Variants in MYO18B observed in about 807,000 individuals in gnomAD.
MYO18B encodes the protein myosin XVIIIB.
MYO18B carries 204 observed loss-of-function variants against 273.0 expected under a neutral mutation model. The ratio of observed to expected loss-of-function variants is 0.75; its 90% CI spans 0.67 to 0.84. The LOEUF is 0.84. MYO18B is among the 40% of genes least tolerant of loss of function. The pLI, the probability that MYO18B is intolerant of heterozygous loss-of-function variation, is 0.00. For missense variants in MYO18B, 3,212 were observed against 3,287.6 expected (o/e 0.98, Z 0.56); for synonymous variants, 1,330 against 1,305.7 (o/e 1.02, Z -0.40).
intron 42 of MYO18B, among the ~76,000 whole-genome samples, chr22:26,012,194 G>T (rs1934969583): frequency 6.6e-6 from 1 of 152,176 alleles, no homozygotes; most frequent in African/African-American, 2.4e-5. Context: ...TCATGTGAGG[G>T]CTGCTTAAAT....
At chr22:25,776,956 T>C (rs923613735) in intron 7 of MYO18B, among the ~76,000 whole-genome samples, 14 of 152,228 alleles carry the variant, frequency 9.2e-5, no homozygotes, top group African/African-American at 3.4e-4. Flanking sequence ...AAATGTTTTT[T>C]TCAGCCATTG....
chr22:25,963,606 T>C (rs1013424995), intron 39 of MYO18B, among the ~76,000 whole-genome samples: 7 of 150,026 alleles, frequency 4.7e-5, no homozygotes, highest in African/African-American at 1.7e-4. Context: ...TAAGGTCCCA[T>C]TCTGAGTTTT....
At chr22:25,995,036 C>T (rs6004883) in intron 40 of MYO18B, among the ~76,000 whole-genome samples, 4,643 of 152,198 alleles carry the variant, frequency 0.031, 100 homozygotes, top group African/African-American at 0.043. Flanking sequence ...AAGCAAGGGA[C>T]AGTGTCCATC....
chr22:25,996,627 G>A (rs554734350), intron 40 of MYO18B, among the ~76,000 whole-genome samples: 1 of 152,008 alleles, frequency 6.6e-6, no homozygotes, highest in South Asian at 2.1e-4. Context: ...AATAAAACAC[G>A]AGAATACAAT....
Position 25,949,171 on chromosome 22 carries a change from A to G in MYO18B, c.5749-1196A>G, listed in dbSNP as rs184255307. Among the ~76,000 whole-genome samples, 540 of 152,314 alleles carry G rather than the reference A, an allele frequency of 3.5e-3. 2 individuals carry two copies. Among genetic ancestry groups the G allele is most frequent in the Non-Finnish European group, 5.7e-3 (390 of 68,032 alleles). On this transcript the variant is annotated intron_variant, in intron 36 of 43. Coordinates refer to ENST00000335473, the MANE Select transcript of MYO18B (RefSeq NM_032608.7). ...GAGCAGTTGGAGAGGAGCAGCCAGC[A>G]TGCCACCCCAGACTGTCATCTCCAT...
At chr22:25,951,661 G>A (rs2092794217) in intron 37 of MYO18B, among the ~76,000 whole-genome samples, 1 of 152,200 alleles carries the variant, frequency 6.6e-6, no homozygotes, top group South Asian at 2.1e-4. Flanking sequence ...AATTTTCAAA[G>A]CTCTTCTAGA....
intron 39 of MYO18B, among the ~76,000 whole-genome samples, chr22:25,988,903 G>T (rs914451793): frequency 7.9e-5 from 12 of 152,162 alleles, no homozygotes; most frequent in African/African-American, 2.9e-4. Context: ...GCAGAGTTGG[G>T]ATTTGAACCC....
chr22:26,012,950 A>G (rs1295645190), intron 42 of MYO18B, among the ~76,000 whole-genome samples: 2 of 152,142 alleles, frequency 1.3e-5, no homozygotes, highest in African/African-American at 2.4e-5. Context: ...GTGCCCCTAC[A>G]ACTTCCTTGT....
chr22:25,752,397 C>A (rs973791794), intron 1 of MYO18B, among the ~76,000 whole-genome samples: 32 of 151,384 alleles, frequency 2.1e-4, no homozygotes, highest in African/African-American at 7.3e-4. Flanking sequence ...CCGTTTTAGC[C>A]GGGATGGTCT....
chr22:25,761,006 G>GC lies in MYO18B; in HGVS notation c.-86dup. 7.1e-7 allele frequency: 1 copy of GC among 1,404,594 alleles called. No individual in the cohort carries two copies. Among genetic ancestry groups the GC allele is most frequent in the Admixed American group, 1.7e-5 (1 of 59,720 alleles). The allele number at this position is 1,404,594 out of a possible 1,614,324, so 87.0% of individuals were successfully genotyped here. On this transcript the variant is annotated 5_prime_UTR_variant, in exon 2 of 44. An upstream open reading frame in the 5' UTR loses its in-frame stop. Coordinates refer to ENST00000335473, the MANE Select transcript of MYO18B (RefSeq NM_032608.7). ...CAGTTCTGTGTCCATCTCATGTGCT[G>GC]CGTGTGTCTGTAAAGCCTCATTCCG...
intron 39 of MYO18B, among the ~76,000 whole-genome samples, chr22:25,985,731 G>A (rs1254882615): frequency 6.6e-6 from 1 of 151,832 alleles, no homozygotes; most frequent in Non-Finnish European, 1.5e-5. Context: ...CCAGGTTCAA[G>A]CAATTCTCCT....
At chr22:25,959,577 C>T (rs1055137136) in intron 39 of MYO18B, among the ~76,000 whole-genome samples, 1 of 152,182 alleles carries the variant, frequency 6.6e-6, no homozygotes, top group African/African-American at 2.4e-5. Flanking sequence ...CCTGGCCTGT[C>T]TTCATTTTTA....
chr22:26,057,971 C>A, the MYO18B span, among the ~76,000 whole-genome samples: 2 of 152,092 alleles, frequency 1.3e-5, no homozygotes, highest in African/African-American at 4.8e-5. Context: ...TCATGGAAAT[C>A]TTTCCTGCTG....
intron 11 of MYO18B, among the ~76,000 whole-genome samples, chr22:25,794,318 C>G (rs1243414773): frequency 1.3e-5 from 2 of 151,104 alleles, no homozygotes; most frequent in Non-Finnish European, 2.9e-5. Flanking sequence ...GCAATCGTCC[C>G]GCCTCAGCTT....
chr22:25,933,582 G>A (rs183275340), intron 34 of MYO18B, among the ~76,000 whole-genome samples: 25 of 152,150 alleles, frequency 1.6e-4, no homozygotes, highest in South Asian at 8.3e-4. Flanking sequence ...ATATTATTGC[G>A]TGTGTTTTAG....
intron 17 of MYO18B, among the ~76,000 whole-genome samples, chr22:25,839,232 G>T (rs1288533710): frequency 2.0e-5 from 3 of 151,942 alleles, no homozygotes; most frequent in African/African-American, 7.3e-5. Context: ...GTGTATATAT[G>T]TATGAGTGTG....
chr22:25,744,697 G>A (rs1044297743), intron 1 of MYO18B, among the ~76,000 whole-genome samples: 1 of 152,166 alleles, frequency 6.6e-6, no homozygotes, highest in Non-Finnish European at 1.5e-5. Flanking sequence ...TCACGCCATT[G>A]CACTCCAGCC....
intron 34 of MYO18B, among the ~76,000 whole-genome samples, chr22:25,934,474 C>G (rs2092551272): frequency 6.6e-6 from 1 of 152,144 alleles, no homozygotes; most frequent in South Asian, 2.1e-4. Flanking sequence ...GAATTTGAGG[C>G]AGGTCTCAGT....
At chr22:25,942,368 A>T (rs2092654702) in intron 34 of MYO18B, among the ~76,000 whole-genome samples, 2 of 151,926 alleles carry the variant, frequency 1.3e-5, no homozygotes, top group African/African-American at 4.8e-5. Context: ...CATTTTACAG[A>T]CTCCCAACTT....
Sources: gnomAD v4.1 joint callset for allele counts (sites outside exome capture counted in the v4.1 genomes callset) on GRCh38, gnomAD v4.1.1 for gene constraint, MANE v1.5 for transcripts, NCBI Gene and HGNC (gene_info 2026-07-23, HGNC 2026-07-21) for gene names.